QTMAN: variants seen among roughly 807,000 people sequenced by gnomAD.
The protein encoded by QTMAN is queuosine-tRNA mannosyltransferase.
the QTMAN span, among the ~76,000 whole-genome samples, chr2:144,120,735 T>C: frequency 2.6e-5 from 4 of 152,180 alleles, no homozygotes; most frequent in Non-Finnish European, 5.9e-5. Flanking sequence ...AGGGAGATGC[T>C]TGGAGGAGAG....
chr2:143,961,228 GCTTT>G, the QTMAN span, among the ~76,000 whole-genome samples: 3 of 152,110 alleles, frequency 2.0e-5, no homozygotes, highest in Non-Finnish European at 4.4e-5. Flanking sequence ...CTGTTGTGCT[GCTTT>G]CTGTCAGAGA....
the QTMAN span, among the ~76,000 whole-genome samples, chr2:144,266,513 C>T: frequency 6.6e-6 from 1 of 152,136 alleles, no homozygotes; most frequent in Non-Finnish European, 1.5e-5. Context: ...TAGATGATAT[C>T]TAGATCAGTG....
the QTMAN span, among the ~76,000 whole-genome samples, chr2:144,087,548 T>G: frequency 6.6e-6 from 1 of 151,936 alleles, no homozygotes; most frequent in African/African-American, 2.4e-5. Flanking sequence ...TGAACACAGA[T>G]AGATGCAAAA....
chr2:143,973,893 T>C, the QTMAN span, among the ~76,000 whole-genome samples: 4 of 152,222 alleles, frequency 2.6e-5, no homozygotes, highest in African/African-American at 9.6e-5. Flanking sequence ...TGACATTCAA[T>C]GGCAGAGCTC....
chr2:144,266,219 A>G, the QTMAN span, among the ~76,000 whole-genome samples: 1 of 152,206 alleles, frequency 6.6e-6, no homozygotes, highest in African/African-American at 2.4e-5. Context: ...TACTGAAGAT[A>G]CTAGAAGGTT....
At chr2:144,236,778 G>A in the QTMAN span, among the ~76,000 whole-genome samples, 1 of 151,848 alleles carries the variant, frequency 6.6e-6, no homozygotes, top group African/African-American at 2.4e-5. Flanking sequence ...AGTCAGAATA[G>A]GCTACATCAG....
the QTMAN span, among the ~76,000 whole-genome samples, chr2:144,165,487 C>T: frequency 6.6e-6 from 1 of 152,128 alleles, no homozygotes; most frequent in Admixed American, 6.5e-5. Context: ...TTGGCATATT[C>T]ACTACCATTA....
chr2:144,167,357 AT>A, the QTMAN span, among the ~76,000 whole-genome samples: 1 of 152,112 alleles, frequency 6.6e-6, no homozygotes. Flanking sequence ...CTAGTCCTCT[AT>A]TTCCAGTGGC....
the QTMAN span, among the ~76,000 whole-genome samples, chr2:144,010,991 G>C: frequency 6.6e-6 from 1 of 152,090 alleles, no homozygotes; most frequent in Non-Finnish European, 1.5e-5. Flanking sequence ...CTTAATAATA[G>C]AACTGGACAA....
the QTMAN span, among the ~76,000 whole-genome samples, chr2:144,044,575 T>C: frequency 6.6e-6 from 1 of 152,318 alleles, no homozygotes; most frequent in East Asian, 1.9e-4. Flanking sequence ...TCAAAAATCA[T>C]GTATTTTTTT....
the QTMAN span, among the ~76,000 whole-genome samples, chr2:144,173,257 G>A: frequency 6.6e-6 from 1 of 152,066 alleles, no homozygotes; most frequent in Admixed American, 6.6e-5. Context: ...TTGTATTCAT[G>A]CCCTGTGTAA....
chr2:144,244,567 A>G, the QTMAN span, among the ~76,000 whole-genome samples: 3 of 152,244 alleles, frequency 2.0e-5, no homozygotes, highest in Non-Finnish European at 4.4e-5. Context: ...ACATAAAACT[A>G]TATCAGTCAC....
the QTMAN span, among the ~76,000 whole-genome samples, chr2:144,123,790 T>C: frequency 2.0e-5 from 3 of 152,158 alleles, no homozygotes; most frequent in African/African-American, 7.2e-5. Context: ...AGCAAGCTTA[T>C]GGTTTCATAT....
chr2:144,063,706 G>A, the QTMAN span, among the ~76,000 whole-genome samples: 29 of 152,180 alleles, frequency 1.9e-4, no homozygotes, highest in Non-Finnish European at 2.9e-4. Flanking sequence ...TTCTTGAGGA[G>A]TTGAAACTAT....
At chr2:144,029,119 G>A in the QTMAN span, among the ~76,000 whole-genome samples, 1 of 152,144 alleles carries the variant, frequency 6.6e-6, no homozygotes, top group African/African-American at 2.4e-5. Flanking sequence ...ACTTCCTAAG[G>A]ATGTTTTAAG....
At chr2:143,965,060 C>CTT in the QTMAN span, among the ~76,000 whole-genome samples, 14 of 142,436 alleles carry the variant, frequency 9.8e-5, no homozygotes, top group South Asian at 4.5e-4. Context: ...TGTTCTTCTT[C>CTT]TTTTTTTTTT....
the QTMAN span, among the ~76,000 whole-genome samples, chr2:144,289,064 C>T: frequency 3.0e-5 from 4 of 135,528 alleles, no homozygotes; most frequent in African/African-American, 5.6e-5. Flanking sequence ...CATGGAGTCT[C>T]GCTCTGTCGC....
chr2:144,115,429 G>A, the QTMAN span, among the ~76,000 whole-genome samples: 1 of 152,194 alleles, frequency 6.6e-6, no homozygotes, highest in South Asian at 2.1e-4. Flanking sequence ...CTCTTTCCTA[G>A]TGAGGTTGCC....
chr2:144,170,489 G>A, the QTMAN span, among the ~76,000 whole-genome samples: 22 of 152,232 alleles, frequency 1.4e-4, no homozygotes, highest in East Asian at 4.1e-3. Flanking sequence ...TCATAGCTGA[G>A]GAACCCTGCG....
Sources: gnomAD v4.1 joint callset for allele counts (sites outside exome capture counted in the v4.1 genomes callset) on GRCh38, gnomAD v4.1.1 for gene constraint, MANE v1.5 for transcripts, NCBI Gene and HGNC (gene_info 2026-07-23, HGNC 2026-07-21) for gene names.